Variants in TAS2R1 observed in about 807,000 individuals in gnomAD.
TAS2R1 encodes taste 2 receptor member 1, also known as taste receptor type 2 member 1.
For missense variants in TAS2R1, 370 were observed against 353.4 expected (o/e 1.05, Z -0.38); for synonymous variants, 141 against 134.2 (o/e 1.05, Z -0.35).
chr5:9,874,485 C>A, the TAS2R1 span, among the ~76,000 whole-genome samples: 1 of 152,112 alleles, frequency 6.6e-6, no homozygotes, highest in African/African-American at 2.4e-5. Flanking sequence ...GCATCTTCCC[C>A]CTCCAGCCAA....
chr5:9,656,409 A>T, intron 2 of TAS2R1, among the ~76,000 whole-genome samples: 1 of 152,236 alleles, frequency 6.6e-6, no homozygotes, highest in East Asian at 1.9e-4. Flanking sequence ...ACACATGATT[A>T]CGTCCAAGAT....
rs554982120 is a variant in TAS2R1 at position 9,703,398 on chromosome 5, A to C, written c.-242+8774T>G. Among the ~76,000 whole-genome samples, 3 of 152,326 alleles carry C rather than the reference A, an allele frequency of 2.0e-5. No homozygotes were observed. In the South Asian group the frequency reaches 6.2e-4, roughly 32 times the overall value. ...TGCTTTAGGCAATGAAGCTCATCTGACAGGTCCAGCAGGCATTTGATAGAA... is the reference window on the plus strand; with the variant it reads ...TGCTTTAGGCAATGAAGCTCATCTGCCAGGTCCAGCAGGCATTTGATAGAA... On this transcript the variant is annotated intron_variant, in intron 1 of 2. Transcript: ENST00000506620.
At chr5:9,750,072 G>T in the TAS2R1 span, among the ~76,000 whole-genome samples, 1 of 152,178 alleles carries the variant, frequency 6.6e-6, no homozygotes, top group African/African-American at 2.4e-5. Context: ...CTTCTCATTC[G>T]ATTTGACCAA....
At chr5:9,809,312 T>C in the TAS2R1 span, among the ~76,000 whole-genome samples, 1 of 152,160 alleles carries the variant, frequency 6.6e-6, no homozygotes, top group Admixed American at 6.5e-5. Flanking sequence ...ATGAAGGGAA[T>C]GTTACGGACT....
At chr5:9,869,828 T>C in the TAS2R1 span, among the ~76,000 whole-genome samples, 2 of 152,244 alleles carry the variant, frequency 1.3e-5, no homozygotes, top group African/African-American at 4.8e-5. Flanking sequence ...AGTATGACTA[T>C]ATGCTGAATC....
the TAS2R1 span, among the ~76,000 whole-genome samples, chr5:9,768,560 T>TTCC: frequency 3.9e-5 from 6 of 152,100 alleles, no homozygotes; most frequent in Non-Finnish European, 8.8e-5. Context: ...CACTGCATCT[T>TTCC]TCCTCCTCCT....
At chr5:9,883,046 T>C in the TAS2R1 span, among the ~76,000 whole-genome samples, 1 of 151,990 alleles carries the variant, frequency 6.6e-6, no homozygotes, top group Non-Finnish European at 1.5e-5. Context: ...TAGGTAGCCA[T>C]AAAAAGGAAC....
chr5:9,654,480 A>C (rs1340525288), intron 2 of TAS2R1, among the ~76,000 whole-genome samples: 3 of 152,234 alleles, frequency 2.0e-5, no homozygotes, highest in Non-Finnish European at 4.4e-5. Flanking sequence ...GGAACAAAAA[A>C]AAAGAATAAA....
the TAS2R1 span, among the ~76,000 whole-genome samples, chr5:9,881,775 T>C: frequency 6.6e-6 from 1 of 152,214 alleles, no homozygotes; most frequent in Non-Finnish European, 1.5e-5. Context: ...TCCTATTTAA[T>C]AAATGATGCT....
chr5:9,723,429 A>G, the TAS2R1 span, among the ~76,000 whole-genome samples: 1 of 152,188 alleles, frequency 6.6e-6, no homozygotes, highest in Non-Finnish European at 1.5e-5. Flanking sequence ...TAAAGAGAAG[A>G]CAATAAATTT....
At chr5:9,807,358 G>A in the TAS2R1 span, among the ~76,000 whole-genome samples, 10 of 152,148 alleles carry the variant, frequency 6.6e-5, no homozygotes, top group East Asian at 7.7e-4. Flanking sequence ...TTCAAAGAAC[G>A]AAAAGTATAT....
At chr5:9,636,924 T>C (rs945152908) in intron 2 of TAS2R1, among the ~76,000 whole-genome samples, 11 of 152,080 alleles carry the variant, frequency 7.2e-5, no homozygotes, top group Non-Finnish European at 1.2e-4. Context: ...TTACATTCAA[T>C]GATAGTATTG....
chr5:9,779,189 C>G, the TAS2R1 span, among the ~76,000 whole-genome samples: 1 of 152,186 alleles, frequency 6.6e-6, no homozygotes, highest in Admixed American at 6.5e-5. Context: ...TTAAAAGAGT[C>G]TGGACCTCCT....
chr5:9,843,916 T>C, the TAS2R1 span, among the ~76,000 whole-genome samples: 1 of 152,196 alleles, frequency 6.6e-6, no homozygotes, highest in Non-Finnish European at 1.5e-5. Context: ...AGCCTTTTGT[T>C]GGCTGTCTGC....
chr5:9,661,312 C>T (rs1211925794), intron 1 of TAS2R1, among the ~76,000 whole-genome samples: 1 of 152,192 alleles, frequency 6.6e-6, no homozygotes, highest in Admixed American at 6.5e-5. Context: ...CTAAAAGCAT[C>T]AGTAGATTTC....
At chr5:9,834,632 C>T in the TAS2R1 span, among the ~76,000 whole-genome samples, 44 of 152,190 alleles carry the variant, frequency 2.9e-4, 1 homozygote, top group African/African-American at 9.4e-4. Context: ...CATCTTCAGA[C>T]GTTCCCCAGG....
the TAS2R1 span, among the ~76,000 whole-genome samples, chr5:9,755,603 A>G: frequency 6.6e-6 from 1 of 151,842 alleles, no homozygotes; most frequent in Non-Finnish European, 1.5e-5. Context: ...AAAAAAAAAA[A>G]AAGAAAAACA....
At chr5:9,804,211 C>A in the TAS2R1 span, among the ~76,000 whole-genome samples, 2 of 151,924 alleles carry the variant, frequency 1.3e-5, no homozygotes, top group East Asian at 1.9e-4. Context: ...AATATATATG[C>A]ACCTAACACT....
At chr5:9,830,106 G>A in the TAS2R1 span, among the ~76,000 whole-genome samples, 1 of 152,096 alleles carries the variant, frequency 6.6e-6, no homozygotes. Context: ...TGGCCATGAA[G>A]GGAAGTAGCT....
Sources: allele counts gnomAD v4.1 joint callset (sites outside exome capture counted in the v4.1 genomes callset), GRCh38; gene constraint gnomAD v4.1.1; transcripts MANE v1.5; gene names NCBI Gene and HGNC (gene_info 2026-07-23, HGNC 2026-07-21).